VMP1: variants seen among roughly 807,000 people sequenced by gnomAD.
VMP1 encodes ectopic P-granules autophagy protein 3 homolog.
VMP1 carries 11 observed loss-of-function variants against 56.0 expected under a neutral mutation model. That is an observed-to-expected ratio of 0.20 (90% CI 0.12 to 0.32). VMP1 has a LOEUF of 0.32. Among genes scored for constraint, VMP1 ranks in the 10% least tolerant of loss-of-function variants. VMP1 has a pLI of 1.00. For synonymous variants in VMP1, 149 were observed against 165.0 expected, an observed-to-expected ratio of 0.90 and a Z score of 0.74; for missense variants, 296 against 490.3, an observed-to-expected ratio of 0.60 and a Z score of 3.74.
At chr17:59,793,982 A>G (rs1049946246) in intron 7 of VMP1, among the ~76,000 whole-genome samples, 17 of 151,084 alleles carry the variant, frequency 1.1e-4, no homozygotes, top group Non-Finnish European at 2.1e-4. Flanking sequence ...GTGCAGTGGC[A>G]CAATCTCGGT....
intron 7 of VMP1, among the ~76,000 whole-genome samples, chr17:59,807,466 G>C (rs996670108): frequency 1.3e-5 from 2 of 151,700 alleles, no homozygotes; most frequent in Admixed American, 6.6e-5. Context: ...CAAAGTGCTG[G>C]GATTACAGGC....
At chr17:59,750,981 G>GGA (rs2035620797) in intron 5 of VMP1, among the ~76,000 whole-genome samples, 1 of 130,704 alleles carries the variant, frequency 7.7e-6, no homozygotes, top group Non-Finnish European at 1.5e-5. Context: ...CACCCAGGCT[G>GGA]GAGTACAGTG....
intron 1 of VMP1, among the ~76,000 whole-genome samples, chr17:59,725,776 A>G (rs2034578885): frequency 6.6e-6 from 1 of 152,218 alleles, no homozygotes; most frequent in African/African-American, 2.4e-5. Context: ...ATTTCAGACT[A>G]TTATGTTTTC....
At chr17:59,753,466 A>C (rs953029009) in intron 5 of VMP1, among the ~76,000 whole-genome samples, 1 of 152,218 alleles carries the variant, frequency 6.6e-6, no homozygotes, top group South Asian at 2.1e-4. Context: ...ATATGCATGT[A>C]CATTATGATT....
At chr17:59,736,542 G>A (rs1408454831) in intron 3 of VMP1, among the ~76,000 whole-genome samples, 3 of 149,310 alleles carry the variant, frequency 2.0e-5, no homozygotes, top group Non-Finnish European at 3.0e-5. Flanking sequence ...TCAGGAATTC[G>A]AGACCACCCT....
intron 7 of VMP1, among the ~76,000 whole-genome samples, chr17:59,796,316 A>G (rs2037436189): frequency 6.6e-6 from 1 of 151,858 alleles, no homozygotes; most frequent in South Asian, 2.1e-4. Context: ...TAGAATATAA[A>G]CTCCATGAGG....
intron 5 of VMP1, among the ~76,000 whole-genome samples, chr17:59,750,160 A>G (rs971022992): frequency 6.6e-5 from 10 of 152,136 alleles, no homozygotes; most frequent in African/African-American, 2.2e-4. Flanking sequence ...CTTAATTTGC[A>G]TAACAGTTTT....
At chr17:59,755,483 C>T (rs1193539018) in intron 5 of VMP1, among the ~76,000 whole-genome samples, 4 of 152,094 alleles carry the variant, frequency 2.6e-5, no homozygotes, top group African/African-American at 9.7e-5. Flanking sequence ...TAACTTGGAG[C>T]ATGAACTAAT....
At chr17:59,836,283 G>A (rs956760661) in intron 10 of VMP1, among the ~76,000 whole-genome samples, 11 of 151,716 alleles carry the variant, frequency 7.3e-5, no homozygotes, top group Non-Finnish European at 1.3e-4. Context: ...CTGGAGTACA[G>A]TGCAGCCCTG....
Position 59,713,404 on chromosome 17 carries a change from A to G in VMP1, c.-27+5656A>G, listed in dbSNP as rs1307884506. Among the ~76,000 whole-genome samples, 6 of 152,122 alleles carry G rather than the reference A, an allele frequency of 3.9e-5. 1 individual carries two copies. Among genetic ancestry groups the G allele is most frequent in the Non-Finnish European group, 8.8e-5 (6 of 68,018 alleles). ...ACCCTAGAACTTAAAGTATAATAAT[A>G]ATAATAATAATAAATCATCCAAGTC... On this transcript the variant is annotated intron_variant, in intron 1 of 11. Transcript: ENST00000262291.
intron 1 of VMP1, 90 bp from the exon 2 acceptor site, chr17:59,731,331 G>A: frequency 1.4e-6 from 1 of 727,348 alleles, no homozygotes; most frequent in Non-Finnish European, 2.2e-6. Context: ...GCTTATTACT[G>A]TGATGTTATT....
intron 10 of VMP1, among the ~76,000 whole-genome samples, chr17:59,824,900 T>C (rs1365697251): frequency 8.7e-6 from 1 of 115,236 alleles, no homozygotes. Flanking sequence ...AAAAATTGGC[T>C]AGGCATGGTG....
rs113253526 is a variant in VMP1, at chr17:59,813,306, G to A, written c.912+1520G>A. On this transcript the variant is annotated intron_variant, in intron 9 of 11. Transcript: ENST00000262291. ...TTAAGATTTAATACTGGCCAGATGCGGTGGCTCACACCTGTAATCCCAGCA... is the reference window on the plus strand; with the variant it reads ...TTAAGATTTAATACTGGCCAGATGCAGTGGCTCACACCTGTAATCCCAGCA... 1.2e-4 allele frequency among the ~76,000 whole-genome samples: 18 copies of A among 152,084 alleles called. No individual in the cohort carries two copies. In the East Asian group the frequency reaches 2.1e-3, roughly 18 times the overall value.
At chr17:59,741,683 A>G (rs1168615060) in intron 5 of VMP1, among the ~76,000 whole-genome samples, 6 of 152,166 alleles carry the variant, frequency 3.9e-5, no homozygotes, top group African/African-American at 1.4e-4. Context: ...AATGGTTACT[A>G]TTGTGGAAAA....
chr17:59,805,489 AATTAT>A (rs2144195700), intron 7 of VMP1, among the ~76,000 whole-genome samples: 1 of 152,238 alleles, frequency 6.6e-6, no homozygotes, highest in African/African-American at 2.4e-5. Context: ...CAGTTGGTAT[AATTAT>A]ACCTCTTTTC....
intron 7 of VMP1, among the ~76,000 whole-genome samples, chr17:59,787,667 C>G (rs1046680396): frequency 2.6e-5 from 4 of 151,882 alleles, no homozygotes; most frequent in African/African-American, 9.7e-5. Context: ...ACTAAAAATA[C>G]AAAAATTAGT....
intron 1 of VMP1, among the ~76,000 whole-genome samples, chr17:59,719,658 T>C (rs1374317671): frequency 1.3e-5 from 2 of 152,178 alleles, no homozygotes; most frequent in Non-Finnish European, 2.9e-5. Flanking sequence ...TCCATAAATG[T>C]TTTTTGTTTT....
intron 7 of VMP1, among the ~76,000 whole-genome samples, chr17:59,807,204 T>G (rs1029072832): frequency 4.6e-5 from 7 of 150,646 alleles, no homozygotes; most frequent in East Asian, 1.9e-4. Flanking sequence ...TTTTTGTTTT[T>G]TTTTTTTTTT....
At chr17:59,835,962 A>G (rs2038968077) in intron 10 of VMP1, among the ~76,000 whole-genome samples, 1 of 150,044 alleles carries the variant, frequency 6.7e-6, no homozygotes, top group African/African-American at 2.4e-5. Context: ...TTGCATTCCC[A>G]CCTGTAATAT....
Sources: allele counts gnomAD v4.1 joint callset (sites outside exome capture counted in the v4.1 genomes callset), GRCh38; gene constraint gnomAD v4.1.1; transcripts MANE v1.5; gene names NCBI Gene and HGNC (gene_info 2026-07-23, HGNC 2026-07-21).